CRLS1: variants seen among roughly 807,000 people sequenced by gnomAD.
CRLS1 encodes cardiolipin synthase 1.
In CRLS1, 24 loss-of-function variants were observed where a neutral mutation model predicts 37.0. The observed-to-expected ratio is 0.65, with a 90% confidence interval of 0.47 to 0.91. The LOEUF (loss-of-function observed/expected upper bound fraction) is 0.91, where lower values mean the gene tolerates loss of function less well. Ranked by LOEUF, CRLS1 falls within the 40% of genes least tolerant of loss-of-function variation. The pLI is 0.00. For synonymous variants in CRLS1, 135 were observed against 159.7 expected (o/e 0.85, Z 1.17); for missense variants, 373 against 395.8 (o/e 0.94, Z 0.49).
rs1980625990 is a variant in CRLS1 at position 6,037,239 on chromosome 20, C to CTA, written c.*83_*84dup. On this transcript the variant is annotated 3_prime_UTR_variant, in exon 7 of 7. Coordinates refer to ENST00000378863, the MANE Select transcript of CRLS1 (RefSeq NM_019095.6). ...CCCATGGAAATGTACAGGAGTTTCC[C>CTA]TATTTTGGTGTTCAGCTTGAAAAAG... 1 of 960,560 alleles carries CTA rather than the reference C, an allele frequency of 1.0e-6. No individual in the cohort carries two copies. The allele number at this position is 960,560 out of a possible 1,614,324, so 59.5% of individuals were successfully genotyped here.
chr20:6,037,131 GA>G lies in CRLS1; in HGVS notation c.881del (p.Lys294ArgfsTer5). On this transcript the variant is annotated frameshift_variant, in exon 7 of 7. Coordinates refer to ENST00000378863, the MANE Select transcript of CRLS1 (RefSeq NM_019095.6). LOFTEE classifies it high-confidence loss of function. The part of the protein sequence containing the change: ...SAYSYYHYGR[K>X]TVQVIKD The stretch of plus-strand genomic sequence containing the variant: ...CTTATAGTTACTATCATTATGGCCG[GA>G]AGACTGTTCAGGTGATAAAAGACTG... 2 of 1,613,532 alleles carry G rather than the reference GA, an allele frequency of 1.2e-6. No individual in the cohort carries two copies. Among genetic ancestry groups the G allele is most frequent in the East Asian group, 2.2e-5 (1 of 44,828 alleles).
intron 3 of CRLS1, among the ~76,000 whole-genome samples, chr20:6,016,820 A>C (rs757121629): frequency 8.6e-5 from 13 of 152,044 alleles, no homozygotes; most frequent in Non-Finnish European, 1.6e-4. Context: ...CCAGGCTCCC[A>C]TGTCTTCCTT....
intron 1 of CRLS1, among the ~76,000 whole-genome samples, chr20:6,008,704 G>C (rs1044486861): frequency 6.6e-6 from 1 of 152,168 alleles, no homozygotes; most frequent in Non-Finnish European, 1.5e-5. Context: ...TTAGTGATGA[G>C]GTTATAGAAT....
chr20:6,006,641 G>A (rs2090060047), intron 1 of CRLS1, 89 bp downstream of exon 1: 1 of 1,215,850 alleles, frequency 8.2e-7, no homozygotes, highest in Non-Finnish European at 1.0e-6. Flanking sequence ...GGTGCAGCTC[G>A]GACGCTTCCG....
chr20:6,006,001 C>G, upstream of CRLS1: 1 of 334,590 alleles, frequency 3.0e-6, no homozygotes, highest in South Asian at 1.5e-4. Context: ...GCGCGCGCCT[C>G]CGCTGTGCCA....
chr20:6,018,374 T>C (rs1257670982), intron 3 of CRLS1, among the ~76,000 whole-genome samples: 1 of 152,200 alleles, frequency 6.6e-6, no homozygotes, highest in African/African-American at 2.4e-5. Flanking sequence ...ACATGCTTAT[T>C]TATGTCTTGT....
intron 1 of CRLS1, among the ~76,000 whole-genome samples, chr20:6,008,389 G>C (rs555265045): frequency 1.3e-5 from 2 of 152,176 alleles, no homozygotes; most frequent in Non-Finnish European, 2.9e-5. Flanking sequence ...TCTTAGCTCC[G>C]CTGGGCCGAG....
intron 3 of CRLS1, among the ~76,000 whole-genome samples, chr20:6,019,293 T>G (rs974539994): frequency 6.6e-6 from 1 of 151,866 alleles, no homozygotes; most frequent in Non-Finnish European, 1.5e-5. Flanking sequence ...GTTTTTAAGT[T>G]GTGATGTTTT....
intron 3 of CRLS1, among the ~76,000 whole-genome samples, chr20:6,018,131 T>A (rs1978905690): frequency 7.0e-6 from 1 of 142,780 alleles, no homozygotes; most frequent in East Asian, 2.1e-4. Context: ...CATGAGAATA[T>A]CTTGAACCTG....
At position 6,011,572 on chromosome 20, in the gene CRLS1, C is replaced by CCTTTTTTTTTTTT. The variant is rs1161298827; in HGVS notation, c.444+1660_444+1661insCTTTTTTTTTTTT. ...TCTTTCTCCTTTTCTTTTGTCCCTG[C>CCTTTTTTTTTTTT]TTTTTTTTTTTTTTTTTTTTTTTTT... is the stretch of plus-strand genomic sequence containing the variant. On this transcript the variant is annotated intron_variant, in intron 2 of 6. Coordinates refer to ENST00000378863, the MANE Select transcript of CRLS1 (RefSeq NM_019095.6). 7.9e-4 allele frequency among the ~76,000 whole-genome samples: 22 copies of CCTTTTTTTTTTTT among 27,856 alleles called. 1 individual carries two copies. The highest frequency in any genetic ancestry group is 1.4e-3 in the Admixed American group (2 of 1,400). The allele number at this position is 27,856 out of a possible 152,430, so 18.3% of individuals were successfully genotyped here. A position where few individuals can be genotyped will look rare whatever the true frequency, so the allele number is the denominator to read the frequency against.
Position 6,037,096 on chromosome 20 carries a change from G to C in CRLS1, c.844G>C (p.Ala282Pro), listed in dbSNP as rs759238425. 7 of 1,613,120 alleles carry C rather than the reference G, an allele frequency of 4.3e-6. No individual in the cohort carries two copies. ...AAGGTGTTTTACAGCTTTCACCACA[G>C]CTGCATCAGCTTATAGTTACTATCA... The part of the protein sequence containing the change: ...ILWCFTAFTT[A>P]ASAYSYYHYG... Residue 282 changes from alanine (A) to proline (P), a missense_variant, in exon 7 of 7, where the codon GCT (alanine) becomes CCT (proline). Ala to Pro is a conservative substitution (Grantham distance 27, BLOSUM62 -1). Coordinates refer to ENST00000378863, the MANE Select transcript of CRLS1 (RefSeq NM_019095.6).
intron 6 of CRLS1, among the ~76,000 whole-genome samples, chr20:6,034,908 G>C (rs1980436820): frequency 6.6e-6 from 1 of 152,230 alleles, no homozygotes; most frequent in Admixed American, 6.5e-5. Flanking sequence ...GTGAAAGACA[G>C]GGCCTAAGCC....
chr20:6,034,092 C>G (rs940882812), intron 5 of CRLS1, among the ~76,000 whole-genome samples: 3 of 152,192 alleles, frequency 2.0e-5, no homozygotes, highest in Non-Finnish European at 4.4e-5. Flanking sequence ...AACTCATTAC[C>G]CTTTTACCCA....
chr20:6,020,823 G>A (rs6038330), intron 3 of CRLS1, among the ~76,000 whole-genome samples: 16,288 of 148,766 alleles, frequency 0.11, 1,019 homozygotes, highest in Middle Eastern at 0.22. Flanking sequence ...TAGTAGAGGC[G>A]GGGTTTCACT....
intron 3 of CRLS1, among the ~76,000 whole-genome samples, chr20:6,022,915 C>A (rs1205318935): frequency 2.0e-5 from 3 of 152,132 alleles, no homozygotes; most frequent in Non-Finnish European, 4.4e-5. Flanking sequence ...GTATCCATTA[C>A]ATCTCAGTGG....
chr20:6,025,855 GC>G (rs1979641090), intron 3 of CRLS1, among the ~76,000 whole-genome samples: 2 of 152,222 alleles, frequency 1.3e-5, no homozygotes, highest in African/African-American at 2.4e-5. Context: ...TAGAAGTGGA[GC>G]CTGAGGATGT....
At chr20:6,020,920 C>T (rs1464129340) in intron 3 of CRLS1, among the ~76,000 whole-genome samples, 2 of 151,960 alleles carry the variant, frequency 1.3e-5, no homozygotes, top group Non-Finnish European at 2.9e-5. Flanking sequence ...GCGTGAGCCA[C>T]CGCGCCCGGC....
rs1199155985 is a variant in CRLS1, at chr20:6,006,252, A to T, written c.6A>T (p.Leu2=). 1.6e-6 allele frequency: 2 copies of T among 1,246,900 alleles called. No homozygotes were observed. Among genetic ancestry groups the T allele is most frequent in the Non-Finnish European group, 2.0e-6 (2 of 998,540 alleles). The allele number at this position is 1,246,900 out of a possible 1,614,324, so 77.2% of individuals were successfully genotyped here. A position where few individuals can be genotyped will look rare whatever the true frequency, so the allele number is the denominator to read the frequency against. Residue 2 remains leucine (L), a synonymous_variant, in exon 1 of 7, where the codon CTA becomes CTT. Transcript: ENST00000378863. M[L]ALRVARGSWG... is the part of the protein sequence containing the mutation. ...CGCGGCGCGGCCGCAGGGCCATGCTAGCCTTGCGCGTGGCGCGCGGCTCGT... is the reference window on the plus strand; with the variant it reads ...CGCGGCGCGGCCGCAGGGCCATGCTTGCCTTGCGCGTGGCGCGCGGCTCGT...
intron 2 of CRLS1, among the ~76,000 whole-genome samples, chr20:6,012,781 G>A (rs973016702): frequency 1.2e-4 from 19 of 152,142 alleles, no homozygotes; most frequent in Non-Finnish European, 2.4e-4. Flanking sequence ...TGAGGTAACA[G>A]GAATGAAGGG....
Sources: gnomAD v4.1 joint callset for allele counts (sites outside exome capture counted in the v4.1 genomes callset) on GRCh38, gnomAD v4.1.1 for gene constraint, MANE v1.5 for transcripts, NCBI Gene and HGNC (gene_info 2026-07-23, HGNC 2026-07-21) for gene names.